Variants in NDUFA10 observed in about 807,000 individuals in gnomAD.
NDUFA10 encodes the protein NADH:ubiquinone oxidoreductase subunit A10.
A neutral mutation model predicts 47.8 loss-of-function variants in NDUFA10; 40 were observed. The ratio of observed to expected loss-of-function variants is 0.84; its 90% CI spans 0.65 to 1.09. The LOEUF is 1.09. Among genes scored for constraint, NDUFA10 ranks in the 50% least tolerant of loss-of-function variants. The pLI is 0.00. For missense variants in NDUFA10, 413 were observed against 451.1 expected (o/e 0.92, Z 0.76); for synonymous variants, 183 against 172.2 (o/e 1.06, Z -0.49).
chr2:239,941,594 C>A (rs60290366), intron 4 of NDUFA10, among the ~76,000 whole-genome samples: 1 of 152,012 alleles, frequency 6.6e-6, no homozygotes, highest in African/African-American at 2.4e-5. Context: ...GGCATGATGG[C>A]GCACGTTTGT....
chr2:240,009,738 A>G (rs1466596974), intron 6 of NDUFA10, among the ~76,000 whole-genome samples: 1 of 152,238 alleles, frequency 6.6e-6, no homozygotes, highest in East Asian at 1.9e-4. Flanking sequence ...TATTTCAAAT[A>G]CTAGTATTAA....
At chr2:239,977,248 A>C (rs1376309119) in intron 9 of NDUFA10, among the ~76,000 whole-genome samples, 1 of 152,188 alleles carries the variant, frequency 6.6e-6, no homozygotes, top group African/African-American at 2.4e-5. Flanking sequence ...AAAGTCACCC[A>C]TCCATTGGCA....
chr2:239,903,193 G>A (rs907817262), intron 4 of NDUFA10, among the ~76,000 whole-genome samples: 5 of 152,112 alleles, frequency 3.3e-5, no homozygotes, highest in African/African-American at 9.7e-5. Flanking sequence ...CTGGTGAGAC[G>A]TGCGCTCCTT....
intron 7 of NDUFA10, among the ~76,000 whole-genome samples, chr2:240,006,236 T>C (rs1339281882): frequency 6.6e-6 from 1 of 152,192 alleles, no homozygotes; most frequent in Non-Finnish European, 1.5e-5. Flanking sequence ...CAAAGGTATA[T>C]AAATACTCTA....
intron 8 of NDUFA10, among the ~76,000 whole-genome samples, chr2:239,999,518 T>C (rs1056821764): frequency 6.6e-6 from 1 of 152,164 alleles, no homozygotes; most frequent in Non-Finnish European, 1.5e-5. Context: ...GACAGCCTCT[T>C]CCATAGCAGC....
chr2:239,954,045 C>A (rs1694607216), downstream of NDUFA10, among the ~76,000 whole-genome samples: 1 of 151,996 alleles, frequency 6.6e-6, no homozygotes, highest in Admixed American at 6.6e-5. Flanking sequence ...AGAGTGGGTT[C>A]CCCCTGACGG....
intron 9 of NDUFA10, among the ~76,000 whole-genome samples, chr2:239,968,463 G>A (rs1225857415): frequency 2.0e-5 from 3 of 152,216 alleles, no homozygotes; most frequent in African/African-American, 4.8e-5. Context: ...TAGGGCCTAA[G>A]TGAGAGGCAC....
chr2:239,899,036 A>AGGAGGGGTGTGGT (rs1693468024), intron 4 of NDUFA10, among the ~76,000 whole-genome samples: 1 of 51,074 alleles, frequency 2.0e-5, no homozygotes, highest in Non-Finnish European at 4.2e-5. Flanking sequence ...AGGGGTGTAA[A>AGGAGGGGTGTGGT]GGAGGGGTGT....
intron 4 of NDUFA10, among the ~76,000 whole-genome samples, chr2:239,944,549 A>G (rs1483124618): frequency 6.6e-6 from 1 of 152,226 alleles, no homozygotes; most frequent in African/African-American, 2.4e-5. Flanking sequence ...GAGGAGGTGC[A>G]CTTTCCTCCA....
intron 4 of NDUFA10, among the ~76,000 whole-genome samples, chr2:240,015,926 G>A (rs1464307680): frequency 6.6e-6 from 1 of 152,238 alleles, no homozygotes; most frequent in Admixed American, 6.5e-5. Context: ...AGGCCGAGGT[G>A]GGCGCAGATC....
chr2:239,899,792 C>T (rs568402642), intron 4 of NDUFA10, among the ~76,000 whole-genome samples: 3 of 151,970 alleles, frequency 2.0e-5, no homozygotes, highest in Non-Finnish European at 2.9e-5. Context: ...CAGAATTCCA[C>T]GACCTGCAGC....
At position 239,928,762 on chromosome 2, in the gene NDUFA10, T is replaced by G. The variant is rs1259426274; in HGVS notation, c.295-33448A>C. 6.6e-6 allele frequency among the ~76,000 whole-genome samples: 1 copy of G among 152,198 alleles called. No individual in the cohort carries two copies. The highest frequency in any genetic ancestry group is 1.5e-5 in the Non-Finnish European group (1 of 68,044). Reference sequence around the variant, plus strand: ...GGATGTCAGACCCTTCCGCGTTCCCTGCAGCGTCCCTTCCAAACAGGTGGT... The same window carrying G: ...GGATGTCAGACCCTTCCGCGTTCCCGGCAGCGTCCCTTCCAAACAGGTGGT... On this transcript the variant is annotated intron_variant, in intron 4 of 5. Coordinates refer to the NDUFA10 transcript ENST00000419408. The surrounding 1 kb of genome is among the most constrained non-coding windows in gnomAD (Gnocchi z 4.3).
chr2:240,000,060 G>C (rs920821666), intron 8 of NDUFA10, among the ~76,000 whole-genome samples: 5 of 152,232 alleles, frequency 3.3e-5, no homozygotes, highest in African/African-American at 1.2e-4. Context: ...TCGTGGAAGA[G>C]TCCAGCACAT....
chr2:239,986,796 T>C (rs936823758), intron 9 of NDUFA10, among the ~76,000 whole-genome samples: 4 of 152,294 alleles, frequency 2.6e-5, no homozygotes, highest in African/African-American at 9.6e-5. Context: ...CATGTACATA[T>C]TCTCAAAGTA....
intron 4 of NDUFA10, among the ~76,000 whole-genome samples, chr2:239,930,244 C>T (rs1321931668): frequency 1.5e-5 from 2 of 134,082 alleles, no homozygotes; most frequent in East Asian, 2.4e-4. Flanking sequence ...TTCTCCACCG[C>T]CCCTAGTCCT....
At chr2:239,963,757 G>A (rs1034289565) in intron 9 of NDUFA10, among the ~76,000 whole-genome samples, 4 of 152,182 alleles carry the variant, frequency 2.6e-5, no homozygotes, top group African/African-American at 4.8e-5. Context: ...GGGAGGCAGC[G>A]CCATGTGAGC....
chr2:239,923,660 T>C (rs535825416), intron 4 of NDUFA10, among the ~76,000 whole-genome samples: 3 of 152,118 alleles, frequency 2.0e-5, no homozygotes, highest in Admixed American at 6.5e-5. Flanking sequence ...AAATCAATAA[T>C]TTAAGTGCCA....
intron 4 of NDUFA10, among the ~76,000 whole-genome samples, chr2:239,923,812 A>G (rs1239246911): frequency 6.6e-6 from 1 of 152,116 alleles, no homozygotes; most frequent in Non-Finnish European, 1.5e-5. Flanking sequence ...GAAAATAAAA[A>G]CTTGTTTCCA....
At chr2:239,897,995 A>G (rs754040378) in intron 4 of NDUFA10, among the ~76,000 whole-genome samples, 1 of 152,180 alleles carries the variant, frequency 6.6e-6, no homozygotes, top group Non-Finnish European at 1.5e-5. Context: ...CCTACCAAGA[A>G]AACTGGAATG....
Sources: allele counts gnomAD v4.1 joint callset (sites outside exome capture counted in the v4.1 genomes callset), GRCh38; gene constraint gnomAD v4.1.1; non-coding constraint Gnocchi (gnomAD v3.1); transcripts MANE v1.5; gene names NCBI Gene and HGNC (gene_info 2026-07-23, HGNC 2026-07-21).